CEP250: variants seen among roughly 807,000 people sequenced by gnomAD.
CEP250 encodes the protein centrosome-associated protein CEP250.
In CEP250, 242 loss-of-function variants were observed where a neutral mutation model predicts 315.7. The observed-to-expected ratio is 0.77, with a 90% confidence interval of 0.69 to 0.85. CEP250 has a LOEUF of 0.85. CEP250 is among the 40% of genes least tolerant of loss of function. The pLI is 0.00. For missense variants in CEP250, 2,515 were observed against 2,886.4 expected (o/e 0.87, Z 2.95); for synonymous variants, 1,088 against 1,175.0 (o/e 0.93, Z 1.51).
At chr20:35,470,155 C>G in intron 10 of CEP250, 169 bp downstream of exon 10, 1 of 625,748 alleles carries the variant, frequency 1.6e-6, no homozygotes, top group Non-Finnish European at 2.9e-6. Flanking sequence ...TTCATTTATT[C>G]ATTGAATAAA....
chr20:35,496,513 G>C, intron 24 of CEP250, 64 bp from the exon 25 acceptor site: 1 of 1,403,360 alleles, frequency 7.1e-7, no homozygotes, highest in South Asian at 1.3e-5. Flanking sequence ...AGAATACTCA[G>C]ATGAGAAGGT....
In CEP250 at chr20:35,480,020, C is replaced by G. The variant is rs750598807; in HGVS notation, c.2461C>G (p.Gln821Glu). 2.5e-6 allele frequency: 4 copies of G among 1,613,708 alleles called. No individual in the cohort carries two copies. Among genetic ancestry groups the G allele is most frequent in the Non-Finnish European group, 3.4e-6 (4 of 1,180,032 alleles). The change falls in exon 20 of 35, where the codon CAG (glutamine) becomes GAG (glutamate). Residue 821 changes from glutamine (Q) to glutamate (E), a missense_variant. By Grantham distance (29) the Gln-to-Glu change is conservative. Coordinates refer to ENST00000397527, the MANE Select transcript of CEP250 (RefSeq NM_007186.6). ...GCTGGAACTGGACACTGAACGGAGT[C>G]AGGCAGAGCAGGAGCGGGATGCTGC... The part of the protein sequence containing the change: ...LKLELDTERS[Q>E]AEQERDAAAR...
intron 20 of CEP250, among the ~76,000 whole-genome samples, chr20:35,487,428 C>G (rs1355156005): frequency 6.6e-6 from 1 of 152,052 alleles, no homozygotes; most frequent in Non-Finnish European, 1.5e-5. Context: ...CAAGATCGCA[C>G]CACTGCACTC....
intron 3 of CEP250, among the ~76,000 whole-genome samples, chr20:35,460,761 A>G (rs1292581699): frequency 2.0e-5 from 3 of 152,242 alleles, no homozygotes; most frequent in African/African-American, 7.2e-5. Context: ...GGGCCACACA[A>G]TGGCTGAAAA....
intron 1 of CEP250, among the ~76,000 whole-genome samples, chr20:35,457,840 A>C (rs551618439): frequency 2.8e-4 from 42 of 152,236 alleles, no homozygotes; most frequent in African/African-American, 9.1e-4. Flanking sequence ...CTTGGAAATT[A>C]ATGGAGATGG....
intron 8 of CEP250, 70 bp from the exon 9 acceptor site, chr20:35,467,234 A>G: frequency 2.6e-6 from 4 of 1,544,464 alleles, no homozygotes; most frequent in Middle Eastern, 1.7e-4. Context: ...CTCAGGCTTC[A>G]CTGGGCCTGA....
intron 10 of CEP250, chr20:35,470,271 A>G (rs112564308): frequency 2.3e-4 from 109 of 473,308 alleles, no homozygotes; most frequent in African/African-American, 1.3e-3. Context: ...TCAGAGACAC[A>G]TTGGCAAATT....
intron 5 of CEP250, among the ~76,000 whole-genome samples, chr20:35,464,269 T>G (rs1401121467): frequency 1.3e-5 from 2 of 152,156 alleles, no homozygotes; most frequent in African/African-American, 4.8e-5. Flanking sequence ...TGTTTGGGGT[T>G]GTTTTGCTTG....
chr20:35,501,236 C>G (rs191040590), intron 28 of CEP250, among the ~76,000 whole-genome samples: 1 of 152,230 alleles, frequency 6.6e-6, no homozygotes, highest in African/African-American at 2.4e-5. Flanking sequence ...ACTCGGGAGG[C>G]TGAGGCAGGG....
In CEP250 at chr20:35,504,862, A is replaced by G. The variant is rs780336077; in HGVS notation, c.6493A>G (p.Arg2165Gly). 1.2e-6 allele frequency: 2 copies of G among 1,614,234 alleles called. No individual in the cohort carries two copies. The highest frequency in any genetic ancestry group is 2.2e-5 in the South Asian group (2 of 91,084). ...LQAALRQTEA[R>G]EIEWREKAQD... Reference sequence around the variant, plus strand: ...GGCAGCCCTGAGACAGACAGAAGCCAGGGAGATTGAGTGGAGGGAGAAGGC... The same window carrying G: ...GGCAGCCCTGAGACAGACAGAAGCCGGGGAGATTGAGTGGAGGGAGAAGGC... The change falls in exon 30 of 35, where the codon AGG becomes GGG. Residue 2165 changes from arginine to glycine, a missense_variant. Coordinates refer to ENST00000397527, the MANE Select transcript of CEP250 (RefSeq NM_007186.6).
At position 35,504,660 on chromosome 20, in the gene CEP250, G is replaced by A; in HGVS notation, c.6291G>A (p.Arg2097=). ...TAAGGGGCCTTCATCAGAGTGTAAG[G>A]GAGCTACAGCTGACTCTAGCCCAAA... ...EEIRGLHQSV[R]ELQLTLAQKE... Residue 2097 remains arginine (R), a synonymous_variant, in exon 30 of 35, where the codon AGG becomes AGA. Transcript: ENST00000397527. 6.2e-7 allele frequency: 1 copy of A among 1,614,190 alleles called. No individual in the cohort carries two copies. Among genetic ancestry groups the A allele is most frequent in the Non-Finnish European group, 8.5e-7 (1 of 1,180,032 alleles).
chr20:35,492,808 A>G (rs1422238264), intron 22 of CEP250, among the ~76,000 whole-genome samples: 2 of 152,102 alleles, frequency 1.3e-5, no homozygotes, highest in Non-Finnish European at 2.9e-5. Flanking sequence ...GCTCACTGCA[A>G]CCTTCGCCTC....
Position 35,511,776 on chromosome 20 carries a change from C to T in CEP250, c.*150C>T. ...GTGTTCCCAGGAAGAGGAAGTAAATCTGCAACCCTGGGGAGGACCCCAACT... is the reference window on the plus strand; with the variant it reads ...GTGTTCCCAGGAAGAGGAAGTAAATTTGCAACCCTGGGGAGGACCCCAACT... On this transcript the variant is annotated 3_prime_UTR_variant, in exon 35 of 35. Transcript: ENST00000397527. The T allele has an allele frequency of 7.0e-7, 1 of 1,424,370 alleles. No individual in the cohort carries two copies. The highest frequency in any genetic ancestry group is 1.6e-5 in the South Asian group (1 of 63,424). The allele number at this position is 1,424,370 out of a possible 1,614,324, so 88.2% of individuals were successfully genotyped here.
chr20:35,490,819 G>A lies in CEP250; in HGVS notation c.2754+15G>A. The A allele has an allele frequency of 6.2e-7, 1 of 1,610,682 alleles. No homozygotes were observed. The highest frequency in any genetic ancestry group is 8.5e-7 in the Non-Finnish European group (1 of 1,179,450). ...CCCTATGCCAGGTGGGAAGCTAGGA[G>A]GATTGGAGCTGCACGTCCAGTCAGC... is the stretch of plus-strand genomic sequence containing the variant. On this transcript the variant is annotated intron_variant, in intron 21 of 34. Coordinates refer to ENST00000397527, the MANE Select transcript of CEP250 (RefSeq NM_007186.6).
intron 4 of CEP250, among the ~76,000 whole-genome samples, chr20:35,462,891 A>T (rs931360056): frequency 2.2e-4 from 34 of 152,240 alleles, no homozygotes; most frequent in Non-Finnish European, 3.5e-4. Flanking sequence ...CCTCTGGAGT[A>T]TCTGGGACCA....
rs2064457382 is a variant in CEP250 at position 35,519,124 on chromosome 20, A to G, written c.*7498A>G. 1 of 152,106 alleles carries G rather than the reference A, an allele frequency of 6.6e-6. No individual in the cohort carries two copies. The highest frequency in any genetic ancestry group is 2.4e-5 in the African/African-American group (1 of 41,436). 9.4% of individuals were successfully genotyped at this position (152,106 alleles called of 1,614,324 possible). A position where few individuals can be genotyped will look rare whatever the true frequency, so the allele number is the denominator to read the frequency against. On this transcript the variant is annotated 3_prime_UTR_variant, in exon 35 of 35. Coordinates refer to ENST00000397527, the MANE Select transcript of CEP250 (RefSeq NM_007186.6). ...AGTGTTATGGCTGTTCAGATGACAGAGGGAGAAAATGTACTTTGTAAACTG... is the reference window on the plus strand; with the variant it reads ...AGTGTTATGGCTGTTCAGATGACAGGGGGAGAAAATGTACTTTGTAAACTG...
At position 35,479,779 on chromosome 20, in the gene CEP250, A is replaced by G. The variant is rs756133269; in HGVS notation, c.2416+6A>G. 7 of 1,614,178 alleles carry G rather than the reference A, an allele frequency of 4.3e-6. No individual in the cohort carries two copies. ...AGCCAAGGAAGTAATCCAAGGTGAG[A>G]ACCCAACTGGGATGGGATGCACTCC... On this transcript the variant is annotated splice_donor_region_variant and intron_variant, in intron 19 of 34. Transcript: ENST00000397527.
chr20:35,511,537 C>T lies in CEP250; in HGVS notation c.7240C>T (p.Leu2414=). 1.9e-6 allele frequency: 3 copies of T among 1,614,110 alleles called. No homozygotes were observed. The highest frequency in any genetic ancestry group is 2.5e-6 in the Non-Finnish European group (3 of 1,180,018). Residue 2414 remains leucine, a synonymous_variant, in exon 35 of 35, where the codon CTG becomes TTG. Transcript: ENST00000397527. ...TGTCCTGGAGGCAGAGACCCGCAGG[C>T]TGGATGAGTCCCTGACTCAAAGTCT... is the stretch of plus-strand genomic sequence containing the variant. ...ATVLEAETRR[L]DESLTQSLTS...
intron 8 of CEP250, 104 bp downstream of exon 8, chr20:35,467,176 G>T (rs924958178): frequency 1.9e-6 from 1 of 530,148 alleles, no homozygotes; most frequent in Non-Finnish European, 3.5e-6. Context: ...TGGGGTGGGT[G>T]GGGGAGTTGG....
Sources: gnomAD v4.1 joint callset for allele counts (sites outside exome capture counted in the v4.1 genomes callset) on GRCh38, gnomAD v4.1.1 for gene constraint, MANE v1.5 for transcripts, NCBI Gene and HGNC (gene_info 2026-07-23, HGNC 2026-07-21) for gene names.